The following RPTOR variants were observed in gnomAD, a reference collection of about 807,000 sequenced individuals.
RPTOR encodes the protein regulatory associated protein of MTOR complex 1.
A neutral mutation model predicts 169.9 loss-of-function variants in RPTOR; 21 were observed. The observed-to-expected ratio is 0.12, with a 90% CI of 0.09 to 0.18. The LOEUF (loss-of-function observed/expected upper bound fraction) is 0.18. RPTOR is among the 10% of genes least tolerant of loss of function. The pLI is 1.00. For synonymous variants in RPTOR, 732 were observed against 753.2 expected, an observed-to-expected ratio of 0.97 and a Z score of 0.46; for missense variants, 1,133 against 1,855.9, an observed-to-expected ratio of 0.61 and a Z score of 7.16.
intron 13 of RPTOR, among the ~76,000 whole-genome samples, chr17:80,865,538 G>A (rs1168436471): frequency 2.0e-5 from 3 of 152,232 alleles, no homozygotes; most frequent in East Asian, 1.9e-4. Flanking sequence ...AGCAGAGAAC[G>A]TTGCTAACAA....
Position 80,966,038 on chromosome 17 carries a change from C to T in RPTOR, c.*1708C>T. 4.3e-6 allele frequency: 1 copy of T among 233,060 alleles called. No homozygotes were observed. 14.4% of individuals were successfully genotyped at this position (233,060 alleles called of 1,614,324 possible). A position where few individuals can be genotyped will look rare whatever the true frequency, so the allele number is the denominator to read the frequency against. On this transcript the variant is annotated 3_prime_UTR_variant, in exon 34 of 34. Coordinates refer to ENST00000306801, the MANE Select transcript of RPTOR (RefSeq NM_020761.3). ...TCCCATCCAGTCCTTCAACTCAATT[C>T]TTACCCAACACGCGTTTCTGTTTGT...
chr17:80,905,015 G>A (rs570894311), intron 20 of RPTOR, among the ~76,000 whole-genome samples: 13 of 151,918 alleles, frequency 8.6e-5, no homozygotes, highest in African/African-American at 1.2e-4. Flanking sequence ...CCCTCGGTAC[G>A]CGTGGGGGAC....
chr17:80,601,555 CTTTTTTT>C lies in RPTOR; in HGVS notation c.163-24125_163-24119del, dbSNP rs536196387. On this transcript the variant is annotated intron_variant, in intron 1 of 33. Transcript: ENST00000306801. ...CTGCTGTTGGTGAAGATGGTTCAGTCTTTTTTTTTTTTTTTTTAAATTTATTTTTTTA... is the reference window on the plus strand; with the variant it reads ...CTGCTGTTGGTGAAGATGGTTCAGTCTTTTTTTTTTAAATTTATTTTTTTA... Among the ~76,000 whole-genome samples, 14 of 17,994 alleles carry C rather than the reference CTTTTTTT, an allele frequency of 7.8e-4. 4 individuals are homozygous for C. In the East Asian group the frequency reaches 0.019, roughly 24 times the overall value. The allele number at this position is 17,994 out of a possible 152,430, so 11.8% of individuals were successfully genotyped here.
chr17:80,892,948 C>A, intron 19 of RPTOR, 79 bp downstream of exon 19: 1 of 1,505,506 alleles, frequency 6.6e-7, no homozygotes, highest in Non-Finnish European at 9.0e-7. Flanking sequence ...TGAGTAAGCA[C>A]CACTCTGCCC....
intron 6 of RPTOR, among the ~76,000 whole-genome samples, chr17:80,783,591 T>C (rs1033438344): frequency 2.6e-5 from 4 of 152,250 alleles, no homozygotes; most frequent in African/African-American, 9.6e-5. Flanking sequence ...GGAAGGTGTA[T>C]TCCATTGCCG....
chr17:80,610,432 G>A (rs2065261833), intron 1 of RPTOR, among the ~76,000 whole-genome samples: 1 of 152,154 alleles, frequency 6.6e-6, no homozygotes, highest in Non-Finnish European at 1.5e-5. Flanking sequence ...GAAGGTTCAG[G>A]GAGTTGAGAT....
rs1027372043 is a variant in RPTOR, at chr17:80,700,735, G to A, written c.349-7106G>A. Among the ~76,000 whole-genome samples the A allele has an allele frequency of 8.5e-3, 895 of 105,566 alleles. 3 individuals carry two copies. The highest frequency in any genetic ancestry group is 0.012 in the East Asian group (38 of 3,118). The allele number at this position is 105,566 out of a possible 152,430, so 69.3% of individuals were successfully genotyped here. On this transcript the variant is annotated intron_variant, in intron 3 of 33. Transcript: ENST00000306801. ...TGGTGGTGGTGGTGGTGGTGATGAT[G>A]GTGGTGGTGGTGGTGGTGATGATGG...
intron 9 of RPTOR, among the ~76,000 whole-genome samples, chr17:80,828,084 A>T (rs2067464158): frequency 6.6e-6 from 1 of 152,190 alleles, no homozygotes; most frequent in Non-Finnish European, 1.5e-5. Context: ...CCCAGGCAGA[A>T]GTGGTGTTTA....
At chr17:80,887,243 G>A (rs934625287) in intron 17 of RPTOR, among the ~76,000 whole-genome samples, 2 of 148,244 alleles carry the variant, frequency 1.3e-5, no homozygotes, top group South Asian at 2.2e-4. Context: ...GTGCCAGCTC[G>A]GGGGGTGCGC....
chr17:80,702,092 C>T (rs1333887547), intron 3 of RPTOR, among the ~76,000 whole-genome samples: 1 of 152,106 alleles, frequency 6.6e-6, no homozygotes, highest in Non-Finnish European at 1.5e-5. Context: ...AATGCAGAAT[C>T]TGATTGCAGT....
intron 24 of RPTOR, among the ~76,000 whole-genome samples, chr17:80,938,935 A>T (rs1300314492): frequency 6.6e-6 from 1 of 152,246 alleles, no homozygotes; most frequent in Non-Finnish European, 1.5e-5. Flanking sequence ...CTCCACACGG[A>T]GAAACCGTTT....
intron 9 of RPTOR, among the ~76,000 whole-genome samples, chr17:80,825,600 G>A (rs773948399): frequency 6.6e-6 from 1 of 152,224 alleles, no homozygotes; most frequent in South Asian, 2.1e-4. Flanking sequence ...GCCCTCACCT[G>A]TGCTTATCGG....
At chr17:80,666,673 T>C (rs1302670183) in intron 3 of RPTOR, among the ~76,000 whole-genome samples, 1 of 152,224 alleles carries the variant, frequency 6.6e-6, no homozygotes, top group East Asian at 1.9e-4. Flanking sequence ...AGCAAATGTT[T>C]ATTGGGATTC....
At chr17:80,893,107 G>A (rs778130728) in intron 19 of RPTOR, among the ~76,000 whole-genome samples, 2 of 152,240 alleles carry the variant, frequency 1.3e-5, no homozygotes, top group African/African-American at 4.8e-5. Flanking sequence ...GAGCTCAAGC[G>A]CAGCCGCAGT....
chr17:80,881,736 G>A (rs533040207), intron 14 of RPTOR, among the ~76,000 whole-genome samples: 3 of 152,338 alleles, frequency 2.0e-5, no homozygotes, highest in East Asian at 1.9e-4. Context: ...TGGGAGGATC[G>A]CCTGAGCCCG....
chr17:80,721,983 G>A lies in RPTOR; in HGVS notation c.508-8577G>A, dbSNP rs2066290588. 6.6e-6 allele frequency among the ~76,000 whole-genome samples: 1 copy of A among 151,132 alleles called. No individual in the cohort carries two copies. Among genetic ancestry groups the A allele is most frequent in the Admixed American group, 6.6e-5 (1 of 15,238 alleles). On this transcript the variant is annotated intron_variant, in intron 4 of 33. Coordinates refer to ENST00000306801, the MANE Select transcript of RPTOR (RefSeq NM_020761.3). The surrounding 1 kb of genome is among the most constrained non-coding windows in gnomAD (Gnocchi z 4.7). ...TTTGACTTCACAAATACAAGGGATT[G>A]GAAGTGCATTCTTTGTTATCTCATA...
At chr17:80,700,680 A>ATGGTAGAGATGGT (rs1567864555) in intron 3 of RPTOR, among the ~76,000 whole-genome samples, 1 of 10,740 alleles carries the variant, frequency 9.3e-5, no homozygotes, top group African/African-American at 4.4e-4. Flanking sequence ...GTGATGATGG[A>ATGGTAGAGATGGT]GGTGGTGGTG....
intron 6 of RPTOR, among the ~76,000 whole-genome samples, chr17:80,781,309 G>C (rs998862294): frequency 2.6e-5 from 4 of 152,146 alleles, no homozygotes; most frequent in Non-Finnish European, 5.9e-5. Context: ...TTGGCAAATA[G>C]AATCTTCAGC....
chr17:80,903,051 T>C (rs918997530), intron 20 of RPTOR, among the ~76,000 whole-genome samples: 1 of 152,088 alleles, frequency 6.6e-6, no homozygotes, highest in Non-Finnish European at 1.5e-5. Flanking sequence ...CTAGATACGG[T>C]GACATTTTTT....
Sources: allele counts gnomAD v4.1 joint callset (sites outside exome capture counted in the v4.1 genomes callset), GRCh38; gene constraint gnomAD v4.1.1; non-coding constraint Gnocchi (gnomAD v3.1); transcripts MANE v1.5; gene names NCBI Gene and HGNC (gene_info 2026-07-23, HGNC 2026-07-21).